Variants in MLLT3 observed in about 807,000 individuals in gnomAD.
The protein encoded by MLLT3 is MLLT3 super elongation complex subunit, also known as protein AF-9.
MLLT3 carries 4 observed loss-of-function variants against 53.2 expected under a neutral mutation model. The ratio of observed to expected loss-of-function variants is 0.08; its 90% confidence interval spans 0.04 to 0.17. MLLT3 has a LOEUF of 0.17. MLLT3 is among the 10% of genes least tolerant of loss of function. MLLT3 has a pLI of 1.00. For missense variants in MLLT3, 569 were observed against 684.0 expected, an observed-to-expected ratio of 0.83 and a Z score of 1.87; for synonymous variants, 283 against 230.6, an observed-to-expected ratio of 1.23 and a Z score of -2.06.
chr9:20,352,532 C>G (rs966631871), intron 10 of MLLT3, among the ~76,000 whole-genome samples: 2 of 152,082 alleles, frequency 1.3e-5, no homozygotes, highest in African/African-American at 2.4e-5. Flanking sequence ...GCAAGAAATG[C>G]AACTTATCTG....
At chr9:20,561,090 G>A (rs985442658) in intron 2 of MLLT3, among the ~76,000 whole-genome samples, 21 of 152,186 alleles carry the variant, frequency 1.4e-4, no homozygotes, top group African/African-American at 4.1e-4. Context: ...GTGTGTGTGT[G>A]TGCTGCCTCC....
At chr9:20,603,095 C>G (rs1341849739) in intron 2 of MLLT3, among the ~76,000 whole-genome samples, 1 of 152,082 alleles carries the variant, frequency 6.6e-6, no homozygotes, top group African/African-American at 2.4e-5. Flanking sequence ...CTCCTTCTCA[C>G]TTTCTCTTTA....
At position 20,365,731 on chromosome 9, in the gene MLLT3, C is replaced by T; in HGVS notation, c.1139G>A (p.Ser380Asn). The T allele has an allele frequency of 6.2e-7, 1 of 1,614,148 alleles. No individual in the cohort carries two copies. The highest frequency in any genetic ancestry group is 8.5e-7 in the Non-Finnish European group (1 of 1,180,002). Residue 380 changes from serine (S) to asparagine (N), a missense_variant, in exon 6 of 11, where the codon AGT (serine) becomes AAT (asparagine). Transcript: ENST00000380338. Reference protein sequence around the residue: ...ISSKSDSEQPSPASSSSSSSS... With the variant: ...ISSKSDSEQPNPASSSSSSSS... The stretch of plus-strand genomic sequence containing the variant: ...GGAGCTGGAGCTGGAGCTGGCAGGA[C>T]TGGGTTGTTCAGACTTTAAAGAAGA...
chr9:20,497,193 A>T (rs1287918960), intron 2 of MLLT3, among the ~76,000 whole-genome samples: 1 of 152,234 alleles, frequency 6.6e-6, no homozygotes, highest in African/African-American at 2.4e-5. Context: ...GTTGACAGAC[A>T]GTAGAATATG....
chr9:20,369,676 T>C (rs1821545638), intron 5 of MLLT3, among the ~76,000 whole-genome samples: 1 of 152,234 alleles, frequency 6.6e-6, no homozygotes. Flanking sequence ...TTATGTATTT[T>C]ATTTTTAAAA....
chr9:20,599,320 A>AAAG (rs1554643687), intron 2 of MLLT3, among the ~76,000 whole-genome samples: 9 of 150,794 alleles, frequency 6.0e-5, no homozygotes, highest in African/African-American at 2.0e-4. Context: ...AAAAAAAAAA[A>AAAG]GAGAATTTTC....
At chr9:20,520,016 C>T (rs1818019444) in intron 2 of MLLT3, among the ~76,000 whole-genome samples, 1 of 151,958 alleles carries the variant, frequency 6.6e-6, no homozygotes, top group South Asian at 2.1e-4. Flanking sequence ...ACTATGTAAC[C>T]ATAAAAACGA....
chr9:20,503,908 T>C (rs1825313293), intron 2 of MLLT3, among the ~76,000 whole-genome samples: 1 of 152,220 alleles, frequency 6.6e-6, no homozygotes, highest in South Asian at 2.1e-4. Flanking sequence ...AAAAGACATT[T>C]CTCAAAAGAC....
intron 4 of MLLT3, among the ~76,000 whole-genome samples, chr9:20,436,995 C>T (rs1247820997): frequency 6.6e-6 from 1 of 151,998 alleles, no homozygotes; most frequent in African/African-American, 2.4e-5. Flanking sequence ...AATGAGCAAA[C>T]AGACTGATAG....
intron 2 of MLLT3, among the ~76,000 whole-genome samples, chr9:20,574,920 A>T (rs1819617209): frequency 6.6e-6 from 1 of 152,176 alleles, no homozygotes; most frequent in African/African-American, 2.4e-5. Flanking sequence ...GTTATATGTA[A>T]TGTTCTAAAT....
intron 4 of MLLT3, among the ~76,000 whole-genome samples, chr9:20,442,135 A>C (rs1465992293): frequency 6.6e-6 from 1 of 152,190 alleles, no homozygotes; most frequent in Non-Finnish European, 1.5e-5. Context: ...GCATATGAAA[A>C]GTTGCTCACC....
At chr9:20,406,687 G>A (rs974572024) in intron 5 of MLLT3, among the ~76,000 whole-genome samples, 1 of 152,052 alleles carries the variant, frequency 6.6e-6, no homozygotes, top group Non-Finnish European at 1.5e-5. Context: ...TTCCTTCTAT[G>A]ACCGTGAAAG....
At chr9:20,370,022 C>CAAA (rs924054619) in intron 5 of MLLT3, among the ~76,000 whole-genome samples, 1 of 152,040 alleles carries the variant, frequency 6.6e-6, no homozygotes, top group Non-Finnish European at 1.5e-5. Flanking sequence ...TTCTCACCAC[C>CAAA]AAAAAAATGT....
At chr9:20,429,210 A>T (rs534134337) in intron 4 of MLLT3, among the ~76,000 whole-genome samples, 35 of 152,134 alleles carry the variant, frequency 2.3e-4, no homozygotes, top group African/African-American at 8.4e-4. Flanking sequence ...GCTAAAAAAG[A>T]TTTAAAAATT....
At chr9:20,504,216 G>C (rs1825325013) in intron 2 of MLLT3, among the ~76,000 whole-genome samples, 1 of 152,046 alleles carries the variant, frequency 6.6e-6, no homozygotes, top group Non-Finnish European at 1.5e-5. Flanking sequence ...AACAAAACCA[G>C]TATTTCAAAA....
chr9:20,454,045 G>A (rs577737853), intron 3 of MLLT3, among the ~76,000 whole-genome samples: 2 of 152,204 alleles, frequency 1.3e-5, no homozygotes, highest in African/African-American at 4.8e-5. Flanking sequence ...TGTTCCAAAT[G>A]TGTCTATTTT....
In MLLT3 at chr9:20,390,058, T is replaced by C. The variant is rs1235161086; in HGVS notation, c.1125+23663A>G. On this transcript the variant is annotated intron_variant, in intron 5 of 10. Coordinates refer to ENST00000380338, the MANE Select transcript of MLLT3 (RefSeq NM_004529.4). The stretch of plus-strand genomic sequence containing the variant: ...GGAAGTTCCTAAAATGGAAACGTTA[T>C]GAGAAGCAACCAAGGGAAGTTAATG... Among the ~76,000 whole-genome samples the C allele has an allele frequency of 3.3e-5, 5 of 152,320 alleles. No individual in the cohort carries two copies. The South Asian group carries it at 6.2e-4, about 19-fold the overall frequency.
At chr9:20,560,334 T>C (rs1447793305) in intron 2 of MLLT3, among the ~76,000 whole-genome samples, 2 of 152,196 alleles carry the variant, frequency 1.3e-5, no homozygotes, top group Non-Finnish European at 2.9e-5. Flanking sequence ...ACTACTATTT[T>C]GAAAGATGAT....
At chr9:20,477,255 A>C (rs1366148729) in intron 2 of MLLT3, among the ~76,000 whole-genome samples, 3 of 152,108 alleles carry the variant, frequency 2.0e-5, no homozygotes, top group African/African-American at 7.2e-5. Context: ...GGTTTGCTCT[A>C]TTTGTCATGA....
Sources: gnomAD v4.1 joint callset for allele counts (sites outside exome capture counted in the v4.1 genomes callset) on GRCh38, gnomAD v4.1.1 for gene constraint, MANE v1.5 for transcripts, NCBI Gene and HGNC (gene_info 2026-07-23, HGNC 2026-07-21) for gene names.